The following THSD7A variants were observed in gnomAD, a reference collection of about 807,000 sequenced individuals.
THSD7A encodes the protein thrombospondin type 1 domain containing 7A, also known as thrombospondin type-1 domain-containing protein 7A.
A neutral mutation model predicts 231.3 loss-of-function variants in THSD7A; 96 were observed. The observed-to-expected ratio is 0.41, with a 90% CI of 0.35 to 0.49. THSD7A has a LOEUF of 0.49. THSD7A is among the 20% of genes least tolerant of loss of function. The pLI is 0.05. For synonymous variants in THSD7A, 940 were observed against 743.3 expected, an observed-to-expected ratio of 1.26 and a Z score of -4.30; for missense variants, 2,290 against 2,070.2, an observed-to-expected ratio of 1.11 and a Z score of -2.06.
intron 19 of THSD7A, among the ~76,000 whole-genome samples, chr7:11,407,658 T>C (rs1379533868): frequency 1.3e-5 from 2 of 152,136 alleles, no homozygotes; most frequent in Admixed American, 1.3e-4. Context: ...TACTTATGTA[T>C]TGTTTAAGTG....
chr7:11,563,050 C>T (rs1790141800), intron 4 of THSD7A, among the ~76,000 whole-genome samples: 1 of 152,156 alleles, frequency 6.6e-6, no homozygotes, highest in African/African-American at 2.4e-5. Flanking sequence ...AAGCTTTTAT[C>T]CTGAAAATTA....
intron 1 of THSD7A, among the ~76,000 whole-genome samples, chr7:11,642,499 T>C (rs1351776246): frequency 2.6e-5 from 4 of 152,146 alleles, no homozygotes; most frequent in Non-Finnish European, 5.9e-5. Context: ...TTCTACAATG[T>C]GGGTCAATAA....
chr7:11,583,247 A>G (rs1393296595), intron 4 of THSD7A, among the ~76,000 whole-genome samples: 1 of 151,794 alleles, frequency 6.6e-6, no homozygotes, highest in Non-Finnish European at 1.5e-5. Context: ...TAAATCTTTA[A>G]TAAGTTTTTA....
intron 1 of THSD7A, among the ~76,000 whole-genome samples, chr7:11,813,455 T>C (rs1365862003): frequency 1.3e-5 from 2 of 152,142 alleles, no homozygotes; most frequent in Non-Finnish European, 2.9e-5. Context: ...GACTCACACC[T>C]GTAATCTCAG....
At chr7:11,559,522 T>TATATATAAATCC (rs1341145982) in intron 4 of THSD7A, among the ~76,000 whole-genome samples, 15 of 139,994 alleles carry the variant, frequency 1.1e-4, no homozygotes, top group East Asian at 2.1e-4. Context: ...TATAAATCCA[T>TATATATAAATCC]ATATATATAT....
intron 1 of THSD7A, among the ~76,000 whole-genome samples, chr7:11,664,831 A>G (rs1349726871): frequency 6.6e-6 from 1 of 152,018 alleles, no homozygotes; most frequent in Admixed American, 6.6e-5. Context: ...GATAACCTTG[A>G]GAGCCTCTTA....
intron 4 of THSD7A, among the ~76,000 whole-genome samples, chr7:11,552,075 C>T (rs35): frequency 0.22 from 33,055 of 151,946 alleles, 4,163 homozygotes; most frequent in Admixed American, 0.4. Context: ...AACAGAAAAC[C>T]AAATACTGCA....
intron 1 of THSD7A, among the ~76,000 whole-genome samples, chr7:11,671,153 A>G (rs1244501046): frequency 6.6e-6 from 1 of 152,214 alleles, no homozygotes; most frequent in East Asian, 1.9e-4. Flanking sequence ...GTGGAAATGG[A>G]AAGTAGAAAA....
intron 4 of THSD7A, among the ~76,000 whole-genome samples, chr7:11,556,104 GTCT>G (rs1297931285): frequency 1.3e-5 from 2 of 151,530 alleles, no homozygotes; most frequent in African/African-American, 2.4e-5. Context: ...TATGGACTAA[GTCT>G]TCTATTTATT....
At chr7:11,576,633 A>G (rs1342477257) in intron 4 of THSD7A, among the ~76,000 whole-genome samples, 1 of 152,212 alleles carries the variant, frequency 6.6e-6, no homozygotes, top group Non-Finnish European at 1.5e-5. Flanking sequence ...AATTGCCACT[A>G]ATTGACAGAT....
intron 5 of THSD7A, among the ~76,000 whole-genome samples, chr7:11,542,707 C>T (rs566405379): frequency 1.3e-5 from 2 of 152,298 alleles, no homozygotes; most frequent in East Asian, 1.9e-4. Flanking sequence ...CACAGCTCAT[C>T]CTAACCATTG....
intron 1 of THSD7A, among the ~76,000 whole-genome samples, chr7:11,681,798 C>T (rs1056693750): frequency 1.3e-5 from 2 of 151,578 alleles, no homozygotes; most frequent in Non-Finnish European, 2.9e-5. Context: ...ATCTCCAAGA[C>T]ACATAGTGAG....
At chr7:11,823,114 TG>T (rs1205186743) in intron 1 of THSD7A, among the ~76,000 whole-genome samples, 2 of 152,078 alleles carry the variant, frequency 1.3e-5, no homozygotes, top group Non-Finnish European at 2.9e-5. Context: ...TAATCCCTCT[TG>T]GGTAGATTTT....
At chr7:11,552,339 C>G (rs546187458) in intron 4 of THSD7A, among the ~76,000 whole-genome samples, 37 of 152,114 alleles carry the variant, frequency 2.4e-4, no homozygotes, top group African/African-American at 8.9e-4. Flanking sequence ...CACACACACT[C>G]CCAACCCCTA....
At chr7:11,510,612 G>C (rs1787766120) in intron 6 of THSD7A, among the ~76,000 whole-genome samples, 1 of 152,082 alleles carries the variant, frequency 6.6e-6, no homozygotes, top group African/African-American at 2.4e-5. Context: ...ATGCAAGGCT[G>C]GTTCAACATA....
At chr7:11,459,637 T>C (rs1377013991) in intron 11 of THSD7A, among the ~76,000 whole-genome samples, 1 of 146,892 alleles carries the variant, frequency 6.8e-6, no homozygotes, top group Non-Finnish European at 1.5e-5. Flanking sequence ...GAAGAAGACT[T>C]CTAAAAGGAA....
At chr7:11,458,228 G>A (rs1406140241) in intron 11 of THSD7A, among the ~76,000 whole-genome samples, 1 of 151,992 alleles carries the variant, frequency 6.6e-6, no homozygotes, top group East Asian at 1.9e-4. Flanking sequence ...TATAAGTAAG[G>A]ATAAAGATGA....
Position 11,407,030 on chromosome 7 carries a change from C to T in THSD7A, c.3942G>A (p.Val1314=), listed in dbSNP as rs1484990787. The change falls in exon 21 of 28, where the codon GTG becomes GTA. Residue 1314 remains valine, a synonymous_variant. Coordinates refer to ENST00000423059, the MANE Select transcript of THSD7A (RefSeq NM_015204.3). ...TTCCATCACCTTGAAAGGGCTGGGT[C>T]ACTGTTCGTCTTCGGATCATTTTTC... The part of the protein sequence containing the change: ...LTGKMIRRRT[V]TQPFQGDGRP... The T allele has an allele frequency of 6.2e-7, 1 of 1,613,670 alleles. No homozygotes were observed. The highest frequency in any genetic ancestry group is 1.1e-5 in the South Asian group (1 of 91,054).
At chr7:11,537,287 T>C (rs1243446346) in intron 6 of THSD7A, among the ~76,000 whole-genome samples, 2 of 152,176 alleles carry the variant, frequency 1.3e-5, no homozygotes, top group Non-Finnish European at 2.9e-5. Flanking sequence ...GTGCCCTGGA[T>C]ACTAAAGTCA....
Sources: gnomAD v4.1 joint callset for allele counts (sites outside exome capture counted in the v4.1 genomes callset) on GRCh38, gnomAD v4.1.1 for gene constraint, MANE v1.5 for transcripts, NCBI Gene and HGNC (gene_info 2026-07-23, HGNC 2026-07-21) for gene names.